The following CEP295 variants were observed in gnomAD, a reference collection of about 807,000 sequenced individuals.
CEP295 encodes the protein centrosomal protein 295.
A neutral mutation model predicts 291.6 loss-of-function variants in CEP295; 190 were observed. The ratio of observed to expected loss-of-function variants is 0.65; its 90% CI spans 0.58 to 0.73. The LOEUF (loss-of-function observed/expected upper bound fraction) is 0.73. Ranked by LOEUF, CEP295 falls within the 30% of genes least tolerant of loss-of-function variation. The pLI is 0.00. For synonymous variants in CEP295, 993 were observed against 1,038.8 expected (o/e 0.96, Z 0.85); for missense variants, 2,863 against 2,949.4 (o/e 0.97, Z 0.68).
chr11:93,698,434 G>C lies in CEP295; in HGVS notation c.3522G>C (p.Arg1174Ser). The C allele has an allele frequency of 1.9e-6, 3 of 1,551,912 alleles. No individual in the cohort carries two copies. The highest frequency in any genetic ancestry group is 2.6e-6 in the Non-Finnish European group (3 of 1,147,026). Reference sequence around the variant, plus strand: ...TCCAAGAACAGTCACAAATACAAAGGGTAATACTTGGTGCTAAAGAAGGAA... The same window carrying C: ...TCCAAGAACAGTCACAAATACAAAGCGTAATACTTGGTGCTAAAGAAGGAA... ...TILQEQSQIQRVILGAKEGTQ... is the reference protein window; with the variant it reads ...TILQEQSQIQSVILGAKEGTQ... Residue 1174 changes from arginine (R) to serine (S), a missense_variant, in exon 15 of 30, where the codon AGG (arginine) becomes AGC (serine). This residue lies in a region of CEP295 where 2,295 missense variants were observed against 2,335.7 expected (regional missense o/e 0.98). Transcript: ENST00000325212.
intron 9 of CEP295, 68 bp from the exon 10 acceptor site, chr11:93,687,576 A>T (rs1288920899): frequency 1.2e-6 from 1 of 816,482 alleles, no homozygotes; most frequent in East Asian, 2.7e-5. Flanking sequence ...ACCGAATATA[A>T]GATGGAACAA....
At chr11:93,728,271 A>G (rs1056798560) in intron 24 of CEP295, 3 of 157,812 alleles carry the variant, frequency 1.9e-5, no homozygotes, top group Admixed American at 6.4e-5. Context: ...TTGTGTTTAG[A>G]TACTTTTGAA....
Position 93,728,703 on chromosome 11 carries a change from T to C in CEP295, c.7184T>C (p.Ile2395Thr), listed in dbSNP as rs1164994670. The change falls in exon 25 of 30, where the codon ATA becomes ACA. Residue 2395 changes from isoleucine (I) to threonine (T), a missense_variant. Around this residue, in one of 3 missense-constraint regions of CEP295, gnomAD observed 2,295 missense variants for 2,335.7 expected, o/e 0.98. Coordinates refer to ENST00000325212, the MANE Select transcript of CEP295 (RefSeq NM_033395.2). Reference sequence around the variant, plus strand: ...CAGGAAACAGAAACTGGCCATGGTATAATGGAAGAACCAGAACTTACTTTA... The same window carrying C: ...CAGGAAACAGAAACTGGCCATGGTACAATGGAAGAACCAGAACTTACTTTA... ...PVWETETGHG[I>T]MEEPELTLIS... 2 of 1,544,886 alleles carry C rather than the reference T, an allele frequency of 1.3e-6. No homozygotes were observed. Among genetic ancestry groups the C allele is most frequent in the South Asian group, 1.2e-5 (1 of 82,254 alleles).
At chr11:93,728,544 T>C (rs1937728540) in intron 24 of CEP295, 137 bp from the exon 25 acceptor site, 1 of 618,648 alleles carries the variant, frequency 1.6e-6, no homozygotes, top group East Asian at 3.2e-5. Flanking sequence ...TCTGTTGGTC[T>C]TTGCCAATCA....
chr11:93,723,439 T>G (rs1348665661), intron 21 of CEP295, 150 bp downstream of exon 21: 2 of 606,116 alleles, frequency 3.3e-6, no homozygotes, highest in Non-Finnish European at 5.7e-6. Context: ...TTGAGGGCAT[T>G]TAGTGAGAAA....
intron 6 of CEP295, among the ~76,000 whole-genome samples, chr11:93,678,071 G>T (rs1005888987): frequency 2.0e-5 from 3 of 151,552 alleles, no homozygotes; most frequent in African/African-American, 7.3e-5. Context: ...TTTATATCTG[G>T]ACTGATATTT....
intron 9 of CEP295, among the ~76,000 whole-genome samples, chr11:93,686,502 T>C (rs1198807159): frequency 2.6e-5 from 4 of 152,184 alleles, no homozygotes; most frequent in Non-Finnish European, 5.9e-5. Context: ...TGTTTGTTTG[T>C]TTGAAGCTAG....
intron 5 of CEP295, among the ~76,000 whole-genome samples, chr11:93,673,330 A>G (rs1392041718): frequency 6.6e-6 from 1 of 152,116 alleles, no homozygotes; most frequent in Non-Finnish European, 1.5e-5. Flanking sequence ...TAATGTTTTC[A>G]TTAGTGGTCA....
intron 22 of CEP295, among the ~76,000 whole-genome samples, 163 bp downstream of exon 22, chr11:93,724,538 G>A (rs745919877): frequency 1.2e-4 from 18 of 152,144 alleles, no homozygotes; most frequent in East Asian, 1.9e-4. Context: ...AGCCCAAGGC[G>A]GGCAGATTAC....
In CEP295 at chr11:93,691,757, A is replaced by G. The variant is rs1239818221; in HGVS notation, c.1411A>G (p.Asn471Asp). ...AGATAAACCACTTTCGTGTGGTACA[A>G]ACTCTGGAAAAGAACAAGGTATTTC... is the stretch of plus-strand genomic sequence containing the variant. ...SEDKPLSCGT[N>D]SGKEQEINET... is the part of the protein sequence containing the mutation. The change falls in exon 11 of 30, where the codon AAC becomes GAC. Residue 471 changes from asparagine to aspartate, a missense_variant. Coordinates refer to ENST00000325212, the MANE Select transcript of CEP295 (RefSeq NM_033395.2). 2.6e-6 allele frequency: 4 copies of G among 1,541,850 alleles called. No homozygotes were observed. The highest frequency in any genetic ancestry group is 2.0e-5 in the Admixed American group (1 of 49,314).
At chr11:93,679,341 T>G (rs902394260) in intron 6 of CEP295, 71 bp from the exon 7 acceptor site, 2 of 1,271,414 alleles carry the variant, frequency 1.6e-6, no homozygotes, top group Non-Finnish European at 2.2e-6. Context: ...ATTTTAAGGT[T>G]GTTTTGTTTT....
intron 1 of CEP295, among the ~76,000 whole-genome samples, chr11:93,662,347 C>T (rs973059952): frequency 1.3e-5 from 2 of 152,124 alleles, no homozygotes; most frequent in Non-Finnish European, 2.9e-5. Flanking sequence ...TTATTATTCC[C>T]TTTATACAGT....
Position 93,700,055 on chromosome 11 carries a change from G to T in CEP295, c.5143G>T (p.Asp1715Tyr). The change falls in exon 15 of 30, where the codon GAT (aspartate) becomes TAT (tyrosine). Residue 1715 changes from aspartate to tyrosine, a missense_variant. By Grantham distance (160) the Asp-to-Tyr change is radical. Around this residue, in one of 3 missense-constraint regions of CEP295, gnomAD observed 2,295 missense variants for 2,335.7 expected, o/e 0.98. Transcript: ENST00000325212. ...TAACTTGGGACTTCAGAAACAGTTG[G>T]ATCTACAAAGAGAAGTTCTGCATTA... ...QDNLGLQKQL[D>Y]LQREVLHYSQ... The T allele has an allele frequency of 6.4e-7, 1 of 1,551,806 alleles. No homozygotes were observed. The highest frequency in any genetic ancestry group is 2.0e-5 in the Admixed American group (1 of 50,994).
chr11:93,685,958 C>T (rs1159219767), intron 9 of CEP295, among the ~76,000 whole-genome samples: 1 of 152,066 alleles, frequency 6.6e-6, no homozygotes, highest in Non-Finnish European at 1.5e-5. Context: ...ACCCGCCCAC[C>T]TCTGCCTCCC....
Position 93,698,015 on chromosome 11 carries a change from G to C in CEP295, c.3103G>C (p.Asp1035His). ...GAAAGGACTTGTTTCATGCCAATCTGACATCCCCATATCTCAGGATGGGTC... is the reference window on the plus strand; with the variant it reads ...GAAAGGACTTGTTTCATGCCAATCTCACATCCCCATATCTCAGGATGGGTC... ...SEKGLVSCQS[D>H]IPISQDGSLS... The change falls in exon 15 of 30, where the codon GAC becomes CAC. Residue 1035 changes from aspartate (D) to histidine (H), a missense_variant. Transcript: ENST00000325212. The C allele has an allele frequency of 1.3e-6, 2 of 1,551,732 alleles. No homozygotes were observed. The highest frequency in any genetic ancestry group is 1.7e-6 in the Non-Finnish European group (2 of 1,146,984).
At chr11:93,726,770 GA>G in intron 23 of CEP295, 1 of 429,522 alleles carries the variant, frequency 2.3e-6, no homozygotes. Flanking sequence ...AATATTAATA[GA>G]AAAAGAAAAA....
chr11:93,706,853 T>C lies in CEP295; in HGVS notation c.5705T>C (p.Leu1902Pro), dbSNP rs1254739448. ...LAHDPFSCLQ[L>P]VGQENVCGDD... ...CATGATCCGTTTAGTTGTCTTCAAC[T>C]GGTTGGCCAAGAGAATGTCTGTGGT... Residue 1902 changes from leucine (L) to proline (P), a missense_variant, in exon 18 of 30, where the codon CTG becomes CCG. Physicochemically the swap from Leu to Pro is moderately conservative, Grantham distance 98. Around this residue, in one of 3 missense-constraint regions of CEP295, gnomAD observed 2,295 missense variants for 2,335.7 expected, o/e 0.98. Coordinates refer to ENST00000325212, the MANE Select transcript of CEP295 (RefSeq NM_033395.2). 1.2e-5 allele frequency: 19 copies of C among 1,547,982 alleles called. No individual in the cohort carries two copies. The East Asian group carries it at 2.0e-4, about 16-fold the overall frequency.
chr11:93,728,717 G>C lies in CEP295; in HGVS notation c.7198G>C (p.Glu2400Gln). The C allele has an allele frequency of 6.5e-7, 1 of 1,549,550 alleles. No homozygotes were observed. The highest frequency in any genetic ancestry group is 8.7e-7 in the Non-Finnish European group (1 of 1,146,428). Reference protein sequence around the residue: ...ETGHGIMEEPELTLISTTDTS... With the variant: ...ETGHGIMEEPQLTLISTTDTS... ...TGGCCATGGTATAATGGAAGAACCA[G>C]AACTTACTTTAATAAGCACCACTGA... is the stretch of plus-strand genomic sequence containing the variant. Residue 2400 changes from glutamate to glutamine, a missense_variant, in exon 25 of 30, where the codon GAA (glutamate) becomes CAA (glutamine). This residue lies in a region of CEP295 where 2,295 missense variants were observed against 2,335.7 expected (regional missense o/e 0.98). Coordinates refer to ENST00000325212, the MANE Select transcript of CEP295 (RefSeq NM_033395.2).
rs577565541 is a variant in CEP295 at position 93,706,727 on chromosome 11, A to T, written c.5597-18A>T. 850 of 1,501,906 alleles carry T rather than the reference A, an allele frequency of 5.7e-4. 11 individuals carry two copies. In the South Asian group the frequency reaches 0.01, roughly 18 times the overall value. 93.0% of individuals were successfully genotyped at this position (1,501,906 alleles called of 1,614,324 possible). A position where few individuals can be genotyped will look rare whatever the true frequency, so the allele number is the denominator to read the frequency against. Reference sequence around the variant, plus strand: ...AATAGTTCCAGAAATTGAAGTGGAAATATTTTTTCCCCCCCAGGTAAACCA... The same window carrying T: ...AATAGTTCCAGAAATTGAAGTGGAATTATTTTTTCCCCCCCAGGTAAACCA... On this transcript the variant is annotated intron_variant, in intron 17 of 29. Coordinates refer to ENST00000325212, the MANE Select transcript of CEP295 (RefSeq NM_033395.2).
Sources: gnomAD v4.1 joint callset for allele counts (sites outside exome capture counted in the v4.1 genomes callset) on GRCh38, gnomAD v4.1.1 for gene constraint, gnomAD v4.1.1 regional missense constraint, MANE v1.5 for transcripts, NCBI Gene and HGNC (gene_info 2026-07-23, HGNC 2026-07-21) for gene names.